NPAS3: variants seen among roughly 807,000 people sequenced by gnomAD.
NPAS3 encodes neuronal PAS domain-containing protein 3.
A neutral mutation model predicts 73.1 loss-of-function variants in NPAS3; 14 were observed. That is an observed-to-expected ratio of 0.19 (90% CI 0.13 to 0.30). The LOEUF (loss-of-function observed/expected upper bound fraction) is 0.30. NPAS3 is among the 10% of genes least tolerant of loss of function. NPAS3 has a pLI of 1.00. For missense variants in NPAS3, 1,096 were observed against 1,250.0 expected (o/e 0.88, Z 1.86); for synonymous variants, 620 against 541.5 (o/e 1.14, Z -2.01).
chr14:33,746,897 CCCCCA>C (rs1303926825), intron 7 of NPAS3, among the ~76,000 whole-genome samples: 1 of 146,438 alleles, frequency 6.8e-6, no homozygotes, highest in Non-Finnish European at 1.5e-5. Flanking sequence ...CTCCCCCGTC[CCCCCA>C]CCCCACCACA....
intron 4 of NPAS3, among the ~76,000 whole-genome samples, chr14:33,422,079 C>A (rs2048379751): frequency 6.6e-6 from 1 of 151,892 alleles, no homozygotes; most frequent in Admixed American, 6.6e-5. Flanking sequence ...CTCTTTCAGG[C>A]TGTATTTGGT....
intron 4 of NPAS3, among the ~76,000 whole-genome samples, chr14:33,437,549 C>G (rs2139224228): frequency 6.6e-6 from 1 of 151,990 alleles, no homozygotes; most frequent in East Asian, 2.0e-4. Flanking sequence ...CTTTAATCTT[C>G]CCACAAGATT....
At chr14:33,699,618 AC>A (rs1322287109) in intron 6 of NPAS3, among the ~76,000 whole-genome samples, 4 of 152,128 alleles carry the variant, frequency 2.6e-5, no homozygotes, top group African/African-American at 9.7e-5. Flanking sequence ...CAATGCTGAA[AC>A]CCTTTGCCTC....
At chr14:32,999,195 G>C (rs1308946577) in intron 1 of NPAS3, among the ~76,000 whole-genome samples, 2 of 152,094 alleles carry the variant, frequency 1.3e-5, no homozygotes, top group Non-Finnish European at 2.9e-5. Context: ...GTACTGTGAG[G>C]AATTAGATGG....
rs1291090896 is a variant in NPAS3, at chr14:33,172,422, G to C, written c.141-42760G>C. ...AAAGCTGTTGACTGAATGAAAAACAGTTTCTGAGATTGCATATAAAAATTA... is the reference window on the plus strand; with the variant it reads ...AAAGCTGTTGACTGAATGAAAAACACTTTCTGAGATTGCATATAAAAATTA... On this transcript the variant is annotated intron_variant, in intron 2 of 11. Coordinates refer to ENST00000356141, the Ensembl canonical transcript of NPAS3. Among the ~76,000 whole-genome samples, 4 of 152,298 alleles carry C rather than the reference G, an allele frequency of 2.6e-5. No homozygotes were observed. The East Asian group carries it at 5.8e-4, about 22-fold the overall frequency.
At chr14:33,422,606 C>A (rs913744222) in intron 4 of NPAS3, among the ~76,000 whole-genome samples, 5 of 151,868 alleles carry the variant, frequency 3.3e-5, no homozygotes, top group Admixed American at 6.6e-5. Context: ...AAAATGAAAG[C>A]TTCATGAGGG....
chr14:33,452,077 A>G (rs1478767374), intron 4 of NPAS3, among the ~76,000 whole-genome samples: 2 of 152,214 alleles, frequency 1.3e-5, no homozygotes, highest in African/African-American at 4.8e-5. Flanking sequence ...GTTAATGTTG[A>G]TGCCCTCTTA....
chr14:33,080,626 T>C (rs139616698), intron 2 of NPAS3, among the ~76,000 whole-genome samples: 2 of 152,284 alleles, frequency 1.3e-5, no homozygotes, highest in South Asian at 2.1e-4. Context: ...TTTTGGGGCA[T>C]TGAAATAAAA....
At chr14:33,062,643 G>A (rs1033204693) in intron 2 of NPAS3, among the ~76,000 whole-genome samples, 1 of 152,230 alleles carries the variant, frequency 6.6e-6, no homozygotes, top group African/African-American at 2.4e-5. Flanking sequence ...CACCTGCAGT[G>A]TGCATGTGAC....
chr14:33,310,604 A>G (rs879752733), intron 3 of NPAS3, among the ~76,000 whole-genome samples: 11 of 152,180 alleles, frequency 7.2e-5, no homozygotes, highest in Admixed American at 3.9e-4. Context: ...AAATCAACAA[A>G]TCTGCTGTCA....
chr14:33,245,865 G>A (rs1464879198), intron 3 of NPAS3, among the ~76,000 whole-genome samples: 1 of 151,150 alleles, frequency 6.6e-6, no homozygotes, highest in Non-Finnish European at 1.5e-5. Flanking sequence ...ACAACTTTAA[G>A]TGTTACAATG....
chr14:33,464,428 C>T (rs920881258), intron 4 of NPAS3, among the ~76,000 whole-genome samples: 1 of 152,200 alleles, frequency 6.6e-6, no homozygotes, highest in South Asian at 2.1e-4. Context: ...TGGCTATACA[C>T]TGAGCACTGA....
intron 5 of NPAS3, among the ~76,000 whole-genome samples, chr14:33,612,230 C>T (rs1298676515): frequency 6.6e-6 from 1 of 152,218 alleles, no homozygotes; most frequent in Non-Finnish European, 1.5e-5. Flanking sequence ...AGGGAAAAAA[C>T]AGCTCTTGTT....
intron 3 of NPAS3, among the ~76,000 whole-genome samples, chr14:33,363,705 A>G (rs17100813): frequency 0.099 from 15,147 of 152,274 alleles, 937 homozygotes; most frequent in Middle Eastern, 0.17. Flanking sequence ...TGCAACACTA[A>G]TTCCCTTATA....
chr14:33,364,163 A>G (rs1217924318), intron 3 of NPAS3, among the ~76,000 whole-genome samples: 4 of 152,186 alleles, frequency 2.6e-5, no homozygotes, highest in African/African-American at 7.2e-5. Flanking sequence ...CTTCATAAAC[A>G]ATGTATTGCT....
intron 5 of NPAS3, among the ~76,000 whole-genome samples, chr14:33,588,029 TC>T (rs1425875723): frequency 1.3e-5 from 2 of 152,216 alleles, no homozygotes; most frequent in African/African-American, 2.4e-5. Flanking sequence ...TCGAGTGTGT[TC>T]CCTAAAATGA....
At chr14:32,939,073 G>GGCCCCACTACTTTTCCGTAGCC (rs2035838741), upstream of NPAS3, among the ~76,000 whole-genome samples, 1 of 144,890 alleles carries the variant, frequency 6.9e-6, no homozygotes, top group Non-Finnish European at 1.5e-5. Context: ...GCGAGGCTCC[G>GGCCCCACTACTTTTCCGTAGCC]GCCCCACTAC....
intron 5 of NPAS3, among the ~76,000 whole-genome samples, chr14:33,617,477 T>A (rs2057954660): frequency 6.6e-6 from 1 of 152,154 alleles, no homozygotes; most frequent in South Asian, 2.1e-4. Context: ...CTAAGAGTAT[T>A]TGCCAGGATT....
intron 3 of NPAS3, among the ~76,000 whole-genome samples, chr14:33,335,068 G>GTGTGTGTGTGTGTGTGTGTA (rs1366925163): frequency 4.0e-4 from 61 of 151,042 alleles, no homozygotes; most frequent in African/African-American, 1.4e-3. Flanking sequence ...GTGTGTGTGT[G>GTGTGTGTGTGTGTGTGTGTA]TGTATCACAT....
Sources: gnomAD v4.1 joint callset for allele counts (sites outside exome capture counted in the v4.1 genomes callset) on GRCh38, gnomAD v4.1.1 for gene constraint, MANE v1.5 for transcripts, NCBI Gene and HGNC (gene_info 2026-07-23, HGNC 2026-07-21) for gene names.